The following ZFHX4 variants were observed in gnomAD, a reference collection of about 807,000 sequenced individuals.
ZFHX4 encodes zinc finger homeobox 4.
In ZFHX4, 56 loss-of-function variants were observed where a neutral mutation model predicts 267.6. The ratio of observed to expected loss-of-function variants is 0.21; its 90% confidence interval spans 0.17 to 0.26. The LOEUF is 0.26. ZFHX4 is among the 10% of genes least tolerant of loss of function. The pLI, the probability that ZFHX4 is intolerant of heterozygous loss-of-function variation, is 1.00. For missense variants in ZFHX4, 4,332 were observed against 4,420.0 expected (o/e 0.98, Z 0.56); for synonymous variants, 1,778 against 1,665.6 (o/e 1.07, Z -1.64).
At chr8:76,794,366 T>C (rs1441524174) in intron 4 of ZFHX4, among the ~76,000 whole-genome samples, 1 of 152,178 alleles carries the variant, frequency 6.6e-6, no homozygotes, top group Non-Finnish European at 1.5e-5. Context: ...TCAGATTTTG[T>C]TCTCAGAAGA....
intron 4 of ZFHX4, among the ~76,000 whole-genome samples, chr8:76,812,743 A>T (rs1211177006): frequency 6.6e-6 from 1 of 152,210 alleles, no homozygotes. Context: ...TTTAGGTTCC[A>T]TAAAGATTGT....
rs1486954666 is a variant in ZFHX4 at position 76,854,995 on chromosome 8, A to G, written c.8074A>G (p.Ser2692Gly). The G allele has an allele frequency of 1.2e-6, 2 of 1,613,858 alleles. No individual in the cohort carries two copies. Among genetic ancestry groups the G allele is most frequent in the African/African-American group, 1.3e-5 (1 of 74,932 alleles). ...ALFKAKSALE[S>G]HIRSRHWNEG... ...GTTTAAAGCAAAGTCGGCCTTAGAAAGCCACATTCGCTCTCGGCACTGGAA... is the reference window on the plus strand; with the variant it reads ...GTTTAAAGCAAAGTCGGCCTTAGAAGGCCACATTCGCTCTCGGCACTGGAA... Residue 2692 changes from serine (S) to glycine (G), a missense_variant, in exon 10 of 11, where the codon AGC (serine) becomes GGC (glycine). This residue lies in a region of ZFHX4 where 1,648 missense variants were observed against 1,625.0 expected (regional missense o/e 1.01). Coordinates refer to ENST00000651372, the MANE Select transcript of ZFHX4 (RefSeq NM_024721.5).
intron 4 of ZFHX4, among the ~76,000 whole-genome samples, chr8:76,812,700 G>A (rs530383979): frequency 1.5e-4 from 22 of 151,706 alleles, no homozygotes; most frequent in Non-Finnish European, 2.8e-4. Context: ...ATCTTTTAAC[G>A]TCAATGAGTT....
At chr8:76,686,863 C>G (rs1161268882) in intron 1 of ZFHX4, among the ~76,000 whole-genome samples, 1 of 152,132 alleles carries the variant, frequency 6.6e-6, no homozygotes, top group African/African-American at 2.4e-5. Flanking sequence ...ATATGAGAAG[C>G]CAGGTTAAGC....
chr8:76,778,466 C>A, intron 4 of ZFHX4, 27 bp downstream of exon 4: 2 of 1,567,318 alleles, frequency 1.3e-6, no homozygotes, highest in Non-Finnish European at 8.8e-7. Flanking sequence ...AGGGCTGTCT[C>A]TGAGCCTCCC....
In ZFHX4 at chr8:76,851,183, T is replaced by G; in HGVS notation, c.4262T>G (p.Ile1421Ser). ...KLQIHSQYHA[I>S]RAATMCNLCQ... Reference sequence around the variant, plus strand: ...CAGATACATTCCCAGTATCATGCAATTCGGGCTGCGACAATGTGTAACCTC... The same window carrying G: ...CAGATACATTCCCAGTATCATGCAAGTCGGGCTGCGACAATGTGTAACCTC... Residue 1421 changes from isoleucine (I) to serine (S), a missense_variant, in exon 10 of 11, where the codon ATT becomes AGT. Physicochemically the swap from Ile to Ser is moderately radical, Grantham distance 142. Transcript: ENST00000651372. 1.9e-6 allele frequency: 3 copies of G among 1,613,922 alleles called. No individual in the cohort carries two copies. Among genetic ancestry groups the G allele is most frequent in the Non-Finnish European group, 2.5e-6 (3 of 1,179,874 alleles).
At chr8:76,691,244 C>T (rs1239799790) in intron 1 of ZFHX4, among the ~76,000 whole-genome samples, 1 of 151,992 alleles carries the variant, frequency 6.6e-6, no homozygotes, top group Non-Finnish European at 1.5e-5. Context: ...TGGATGGCCT[C>T]TTGTTATTGT....
At chr8:76,738,599 T>TTTCCCTCCTTCCTTCCTTCCTTCCTTCC (rs1554556158) in intron 3 of ZFHX4, among the ~76,000 whole-genome samples, 2 of 130,016 alleles carry the variant, frequency 1.5e-5, no homozygotes, top group Non-Finnish European at 1.6e-5. Context: ...TTTCTTTCTT[T>TTTCCCTCCTTCCTTCCTTCCTTCCTTCC]TTCCTTCCTT....
chr8:76,756,453 GGGT>G (rs1809764386), intron 3 of ZFHX4, among the ~76,000 whole-genome samples: 1 of 152,038 alleles, frequency 6.6e-6, no homozygotes, highest in South Asian at 2.1e-4. Context: ...TGGGATGGGT[GGGT>G]AGAGGCTCAT....
intron 3 of ZFHX4, among the ~76,000 whole-genome samples, chr8:76,723,207 G>T (rs1429036819): frequency 1.3e-5 from 2 of 152,012 alleles, no homozygotes; most frequent in African/African-American, 4.8e-5. Context: ...AATGTGTAAA[G>T]TTTCTGTATC....
chr8:76,842,614 G>A, intron 5 of ZFHX4, 41 bp from the exon 6 acceptor site: 1 of 1,459,108 alleles, frequency 6.9e-7, no homozygotes, highest in Non-Finnish European at 9.3e-7. Context: ...GAACTTTTGG[G>A]CGGTTTTCAG....
In ZFHX4 at chr8:76,845,607, A is replaced by T. The variant is rs937450994; in HGVS notation, c.3511+2836A>T. Among the ~76,000 whole-genome samples the T allele has an allele frequency of 4.6e-5, 7 of 152,188 alleles. No homozygotes were observed. The East Asian group carries it at 1.3e-3, about 29-fold the overall frequency. ...TTATTAAATACATTGACTCATTAAT[A>T]ATAACTCAGTACTTTTATTTTTTTA... On this transcript the variant is annotated intron_variant, in intron 6 of 10. Transcript: ENST00000651372.
At chr8:76,801,270 C>T (rs1191108878) in intron 4 of ZFHX4, among the ~76,000 whole-genome samples, 1 of 152,080 alleles carries the variant, frequency 6.6e-6, no homozygotes, top group African/African-American at 2.4e-5. Flanking sequence ...TTGTTAAAAT[C>T]CAACCAAAAG....
At chr8:76,728,294 T>C (rs1288364618) in intron 3 of ZFHX4, among the ~76,000 whole-genome samples, 1 of 152,200 alleles carries the variant, frequency 6.6e-6, no homozygotes, top group Non-Finnish European at 1.5e-5. Flanking sequence ...GGAGGATAAA[T>C]GACTTCATAT....
chr8:76,835,245 A>G (rs868549538), intron 5 of ZFHX4, among the ~76,000 whole-genome samples: 1,542 of 129,106 alleles, frequency 0.012, 88 homozygotes, highest in African/African-American at 0.033. Flanking sequence ...ATATATGTAT[A>G]TATATATATA....
intron 1 of ZFHX4, among the ~76,000 whole-genome samples, chr8:76,700,552 G>A (rs1808076668): frequency 6.6e-6 from 1 of 152,138 alleles, no homozygotes; most frequent in Admixed American, 6.6e-5. Flanking sequence ...TTGTAGGTGG[G>A]TTTGGTCATT....
At chr8:76,780,793 G>A (rs1354291936) in intron 4 of ZFHX4, among the ~76,000 whole-genome samples, 1 of 152,126 alleles carries the variant, frequency 6.6e-6, no homozygotes, top group African/African-American at 2.4e-5. Context: ...GCAAAAATCA[G>A]CTGTGGCATT....
intron 4 of ZFHX4, among the ~76,000 whole-genome samples, chr8:76,829,440 G>C (rs1811875372): frequency 6.6e-6 from 1 of 152,068 alleles, no homozygotes; most frequent in Admixed American, 6.5e-5. Context: ...ACTCATTATG[G>C]AGAGGCTTAG....
chr8:76,795,574 T>A lies in ZFHX4; in HGVS notation c.3325+17135T>A, dbSNP rs1810959393. 6.7e-5 allele frequency among the ~76,000 whole-genome samples: 10 copies of A among 149,836 alleles called. No homozygotes were observed. In the South Asian group the frequency reaches 2.2e-3, roughly 32 times the overall value. On this transcript the variant is annotated intron_variant, in intron 4 of 10. Transcript: ENST00000651372. ...TTTTTTTTTTTTTTTGAGACGGAGTTTCGCTCTTATTGCCCAGGCTGGAGT... is the reference window on the plus strand; with the variant it reads ...TTTTTTTTTTTTTTTGAGACGGAGTATCGCTCTTATTGCCCAGGCTGGAGT...
Sources: gnomAD v4.1 joint callset for allele counts (sites outside exome capture counted in the v4.1 genomes callset) on GRCh38, gnomAD v4.1.1 for gene constraint, gnomAD v4.1.1 regional missense constraint, MANE v1.5 for transcripts, NCBI Gene and HGNC (gene_info 2026-07-23, HGNC 2026-07-21) for gene names.